The following PDE4D variants were observed in gnomAD, a reference collection of about 807,000 sequenced individuals.
The protein encoded by PDE4D is phosphodiesterase 4D.
PDE4D carries 24 observed loss-of-function variants against 87.4 expected under a neutral mutation model. The ratio of observed to expected loss-of-function variants is 0.27; its 90% CI spans 0.20 to 0.39. The LOEUF (loss-of-function observed/expected upper bound fraction) is 0.39. Ranked by LOEUF, PDE4D falls within the 10% of genes least tolerant of loss-of-function variation. PDE4D has a pLI of 1.00. For synonymous variants in PDE4D, 384 were observed against 383.2 expected, an observed-to-expected ratio of 1.00 and a Z score of -0.02; for missense variants, 714 against 1,041.0, an observed-to-expected ratio of 0.69 and a Z score of 4.32.
intron 1 of PDE4D, among the ~76,000 whole-genome samples, chr5:59,484,823 C>T (rs565359679): frequency 2.0e-5 from 3 of 152,150 alleles, no homozygotes; most frequent in Non-Finnish European, 4.4e-5. Context: ...ATTTGTTTCA[C>T]ATTTTCTCAT....
At chr5:59,406,126 G>A (rs766916042) in intron 1 of PDE4D, among the ~76,000 whole-genome samples, 1 of 152,008 alleles carries the variant, frequency 6.6e-6, no homozygotes, top group Admixed American at 6.6e-5. Context: ...TTAAATGTTT[G>A]GCAAAATTAA....
At chr5:58,983,215 C>T (rs745761967) in intron 11 of PDE4D, among the ~76,000 whole-genome samples, 11 of 152,242 alleles carry the variant, frequency 7.2e-5, no homozygotes, top group Admixed American at 5.2e-4. Context: ...CTGCGTATCA[C>T]GCAGAACCAT....
chr5:59,486,635 G>A (rs532217636), intron 1 of PDE4D, among the ~76,000 whole-genome samples: 45 of 152,274 alleles, frequency 3.0e-4, no homozygotes, highest in Middle Eastern at 3.4e-3. Context: ...TAGACCCATA[G>A]CTGTTAAATG....
In PDE4D at chr5:59,053,182, C is replaced by T. The variant is rs150468693; in HGVS notation, c.809-14211G>A. Among the ~76,000 whole-genome samples the T allele has an allele frequency of 3.5e-3, 531 of 151,998 alleles. 3 individuals are homozygous for T. Among genetic ancestry groups the T allele is most frequent in the African/African-American group, 0.012 (510 of 41,466 alleles). ...ATGTGTTTTTCATCCTTAAGATTAGCGTTTGGAAGCATATATTATTCCACA... is the reference window on the plus strand; with the variant it reads ...ATGTGTTTTTCATCCTTAAGATTAGTGTTTGGAAGCATATATTATTCCACA... On this transcript the variant is annotated intron_variant, in intron 5 of 14. Transcript: ENST00000340635.
At chr5:59,520,911 G>A (rs150602884) in intron 1 of PDE4D, among the ~76,000 whole-genome samples, 14 of 150,830 alleles carry the variant, frequency 9.3e-5, no homozygotes, top group African/African-American at 2.0e-4. Context: ...ATATATACAC[G>A]TTGTGTGTGT....
rs554410974 is a variant in PDE4D, at chr5:59,016,040, C to T, written c.922-22575G>A. The stretch of plus-strand genomic sequence containing the variant: ...ACTGTTGCAAGGACAGAAAACCAAA[C>T]ACCGCATGTTCTCACTCATAGGTGG... On this transcript the variant is annotated intron_variant, in intron 6 of 14. Coordinates refer to ENST00000340635, the MANE Select transcript of PDE4D (RefSeq NM_001104631.2). Among the ~76,000 whole-genome samples the T allele has an allele frequency of 3.3e-4, 50 of 152,312 alleles. 2 individuals carry two copies. Among genetic ancestry groups the T allele is most frequent in the African/African-American group, 1.1e-3 (45 of 41,564 alleles).
intron 2 of PDE4D, among the ~76,000 whole-genome samples, chr5:60,077,922 G>T (rs900807226): frequency 3.3e-5 from 5 of 152,068 alleles, no homozygotes; most frequent in African/African-American, 1.2e-4. Flanking sequence ...GTCCTGGTGT[G>T]CACTAGCATT....
intron 1 of PDE4D, among the ~76,000 whole-genome samples, chr5:59,585,303 C>T (rs1326321112): frequency 6.6e-6 from 1 of 152,124 alleles, no homozygotes. Flanking sequence ...TTTGGTGGTA[C>T]CTTAAGCTCT....
intron 1 of PDE4D, among the ~76,000 whole-genome samples, chr5:59,732,691 C>A (rs1334775907): frequency 1.3e-5 from 2 of 151,972 alleles, no homozygotes; most frequent in African/African-American, 2.4e-5. Flanking sequence ...GGCAAGACAG[C>A]TAAAAGCAAA....
intron 3 of PDE4D, among the ~76,000 whole-genome samples, chr5:59,939,922 T>C (rs1420385302): frequency 6.6e-6 from 1 of 152,194 alleles, no homozygotes; most frequent in Non-Finnish European, 1.5e-5. Flanking sequence ...GCTTCTAATA[T>C]AAAAACTCAT....
At chr5:59,381,165 T>C (rs1314400247) in intron 1 of PDE4D, among the ~76,000 whole-genome samples, 1 of 152,240 alleles carries the variant, frequency 6.6e-6, no homozygotes, top group African/African-American at 2.4e-5. Context: ...AAGACCATTG[T>C]AGGCCAGTCC....
chr5:59,272,767 G>T lies in PDE4D; in HGVS notation c.456-56799C>A, dbSNP rs187889782. On this transcript the variant is annotated intron_variant, in intron 1 of 14. Coordinates refer to ENST00000340635, the MANE Select transcript of PDE4D (RefSeq NM_001104631.2). ...CAGGCTGACCTTTAATAAGAGGAAGGGTATAAAATACAAGTTTGCCATGAA... is the reference window on the plus strand; with the variant it reads ...CAGGCTGACCTTTAATAAGAGGAAGTGTATAAAATACAAGTTTGCCATGAA... Among the ~76,000 whole-genome samples, 8 of 151,980 alleles carry T rather than the reference G, an allele frequency of 5.3e-5. No individual in the cohort carries two copies. The East Asian group carries it at 1.5e-3, about 29-fold the overall frequency.
In PDE4D at chr5:58,972,245, A is replaced by AAAAG. The variant is rs1468050657; in HGVS notation, c.*2415_*2418dup. 2 of 152,638 alleles carry AAAAG rather than the reference A, an allele frequency of 1.3e-5. No individual in the cohort carries two copies. The highest frequency in any genetic ancestry group is 2.9e-5 in the Non-Finnish European group (2 of 68,040). The allele number at this position is 152,638 out of a possible 1,614,324, so 9.5% of individuals were successfully genotyped here. On this transcript the variant is annotated 3_prime_UTR_variant, in exon 15 of 15. Transcript: ENST00000340635. ...ACTTCACTCAGGGACAAATAAAATT[A>AAAAG]AAAGAAACAAGTTCCCAAATATTCT...
chr5:59,775,407 C>A (rs183954164), intron 1 of PDE4D, among the ~76,000 whole-genome samples: 195 of 152,168 alleles, frequency 1.3e-3, no homozygotes, highest in African/African-American at 4.6e-3. Context: ...GTGCACTAAG[C>A]ATAAGCACTT....
At chr5:60,481,445 G>GAAACTATAAACTAT (rs1748724574) in intron 1 of PDE4D, among the ~76,000 whole-genome samples, 1 of 151,978 alleles carries the variant, frequency 6.6e-6, no homozygotes, top group Non-Finnish European at 1.5e-5. Context: ...CTGAAAAACA[G>GAAACTATAAACTAT]AAACTATAAA....
At chr5:60,429,297 C>A (rs1207642833) in intron 1 of PDE4D, among the ~76,000 whole-genome samples, 1 of 152,140 alleles carries the variant, frequency 6.6e-6, no homozygotes, top group East Asian at 1.9e-4. Flanking sequence ...TGATTTGGCA[C>A]TCAGCTTGGA....
intron 1 of PDE4D, among the ~76,000 whole-genome samples, chr5:59,798,655 T>C (rs189176193): frequency 1.3e-5 from 2 of 152,304 alleles, no homozygotes; most frequent in East Asian, 1.9e-4. Context: ...TAACTGACTT[T>C]TTAAGAATAT....
At chr5:59,050,921 A>G (rs1290287998) in intron 5 of PDE4D, among the ~76,000 whole-genome samples, 10 of 152,264 alleles carry the variant, frequency 6.6e-5, no homozygotes. Flanking sequence ...AGTTGTTTAA[A>G]TAAGTTAATT....
chr5:59,641,025 GT>G (rs1415052637), intron 1 of PDE4D, among the ~76,000 whole-genome samples: 3 of 151,980 alleles, frequency 2.0e-5, no homozygotes, highest in South Asian at 2.1e-4. Context: ...TATTTTTCAG[GT>G]TTTTTAGGCT....
Sources: allele counts gnomAD v4.1 joint callset (sites outside exome capture counted in the v4.1 genomes callset), GRCh38; gene constraint gnomAD v4.1.1; transcripts MANE v1.5; gene names NCBI Gene and HGNC (gene_info 2026-07-23, HGNC 2026-07-21).